The following ZNF133 variants were observed in gnomAD, a reference collection of about 807,000 sequenced individuals.
ZNF133 encodes zinc finger protein 133 (clone pHZ-13).
In ZNF133, 26 loss-of-function variants were observed where a neutral mutation model predicts 54.9. The ratio of observed to expected loss-of-function variants is 0.47; its 90% confidence interval spans 0.35 to 0.66. The LOEUF (loss-of-function observed/expected upper bound fraction) is 0.66, where lower values mean the gene tolerates loss of function less well. ZNF133 is among the 30% of genes least tolerant of loss of function. The pLI is 0.01. For synonymous variants in ZNF133, 298 were observed against 320.3 expected (o/e 0.93, Z 0.74); for missense variants, 653 against 820.8 (o/e 0.80, Z 2.50).
chr20:18,297,463 T>C (rs1469788392), intron 1 of ZNF133, among the ~76,000 whole-genome samples: 1 of 152,154 alleles, frequency 6.6e-6, no homozygotes, highest in African/African-American at 2.4e-5. Flanking sequence ...CCCAAAATGT[T>C]TGTTTGAAGA....
chr20:18,315,669 G>C lies in ZNF133; in HGVS notation c.818G>C (p.Arg273Thr), dbSNP rs6045322. 6.2e-7 allele frequency: 1 copy of C among 1,613,976 alleles called. No individual in the cohort carries two copies. The highest frequency in any genetic ancestry group is 1.1e-5 in the South Asian group (1 of 91,070). The change falls in exon 7 of 7, where the codon AGG becomes ACG. Residue 273 changes from arginine to threonine, a missense_variant. Arg to Thr is a moderately conservative substitution (Grantham distance 71). Around this residue, in one of 4 missense-constraint regions of ZNF133, gnomAD observed 292 missense variants for 431.6 expected, o/e 0.68. Coordinates refer to ENST00000425686, the MANE Select transcript of ZNF133 (RefSeq NM_001352452.2). The stretch of plus-strand genomic sequence containing the variant: ...TCGGGGGAGAAGCCAATTGTGTGCA[G>C]GGAGTGTGGACGAGGCTTTAACCGG... ...AHSGEKPIVCRECGRGFNRKS... is the reference protein window; with the variant it reads ...AHSGEKPIVCTECGRGFNRKS...
In ZNF133 at chr20:18,305,927, T is replaced by C; in HGVS notation, c.121+120T>C. 7.6e-7 allele frequency: 1 copy of C among 1,310,754 alleles called. No homozygotes were observed. Among genetic ancestry groups the C allele is most frequent in the Non-Finnish European group, 1.0e-6 (1 of 963,918 alleles). 81.2% of individuals were successfully genotyped at this position (1,310,754 alleles called of 1,614,324 possible). A position where few individuals can be genotyped will look rare whatever the true frequency, so the allele number is the denominator to read the frequency against. ...GTTGGACCAAAAAGCAACTACATTT[T>C]ATTCGTGTTTCCCCAGGGAGGGTCT... On this transcript the variant is annotated intron_variant, in intron 5 of 6. Transcript: ENST00000425686. This position sits in a 1 kb window ranked among gnomAD's most constrained non-coding sequence, Gnocchi z 4.7.
chr20:18,304,034 T>C (rs1056993191), intron 3 of ZNF133, among the ~76,000 whole-genome samples: 2 of 152,150 alleles, frequency 1.3e-5, no homozygotes, highest in African/African-American at 4.8e-5. Context: ...ATTTAGAATA[T>C]ATAAAGAACT....
intron 6 of ZNF133, among the ~76,000 whole-genome samples, chr20:18,311,863 C>T (rs17732567): frequency 0.082 from 12,427 of 152,174 alleles, 613 homozygotes; most frequent in Middle Eastern, 0.17. Context: ...TTATAAGATA[C>T]TAGTTGGACA....
intron 1 of ZNF133, among the ~76,000 whole-genome samples, chr20:18,295,871 C>A (rs2042138271): frequency 6.6e-6 from 1 of 152,010 alleles, no homozygotes; most frequent in Admixed American, 6.6e-5. Context: ...ACCATGTTGC[C>A]CAGGCTGGAT....
intron 3 of ZNF133, among the ~76,000 whole-genome samples, chr20:18,298,716 C>G (rs886243793): frequency 6.6e-6 from 1 of 152,204 alleles, no homozygotes; most frequent in African/African-American, 2.4e-5. Context: ...TGCAACCCCC[C>G]ACTGGCTAAA....
rs149645929 is a variant in ZNF133 at position 18,306,379 on chromosome 20, C to G, written c.203C>G (p.Pro68Arg). 42 of 1,613,304 alleles carry G rather than the reference C, an allele frequency of 2.6e-5. No individual in the cohort carries two copies. The highest frequency in any genetic ancestry group is 3.2e-5 in the Non-Finnish European group (38 of 1,179,654). The change falls in exon 6 of 7, where the codon CCG becomes CGG. Residue 68 changes from proline to arginine, a missense_variant. By Grantham distance (103) the Pro-to-Arg change is moderately radical. Transcript: ENST00000425686. ...TGGAGAGAGGAAAAAAAATGTTCAC[C>G]GGCAACCTGTCCAGGTGAGTGGGAA... ...ETWREEKKCS[P>R]ATCPADPEPE...
intron 1 of ZNF133, among the ~76,000 whole-genome samples, chr20:18,291,865 C>T (rs2041121021): frequency 1.3e-5 from 2 of 152,140 alleles, no homozygotes; most frequent in Non-Finnish European, 2.9e-5. Context: ...GTGTGTGCCA[C>T]CCCACTTGGA....
At chr20:18,293,926 G>A (rs1360175484) in intron 1 of ZNF133, among the ~76,000 whole-genome samples, 1 of 152,150 alleles carries the variant, frequency 6.6e-6, no homozygotes, top group East Asian at 1.9e-4. Context: ...AATGAAAGGG[G>A]GAAAAAGAAC....
rs149247327 is a variant in ZNF133, at chr20:18,301,288, G to A, written c.-178+2824G>A. Among the ~76,000 whole-genome samples the A allele has an allele frequency of 3.8e-4, 58 of 152,246 alleles. 1 individual carries two copies. In the East Asian group the frequency reaches 0.011, roughly 28 times the overall value. ...TGAGATGAAGTAAAGTGCTAGGCAG[G>A]AAATTTTTAGCTGAAATACATTAGA... On this transcript the variant is annotated intron_variant, in intron 3 of 6. Transcript: ENST00000425686.
At chr20:18,293,475 T>C (rs1400668429) in intron 1 of ZNF133, among the ~76,000 whole-genome samples, 1 of 152,232 alleles carries the variant, frequency 6.6e-6, no homozygotes, top group Non-Finnish European at 1.5e-5. Flanking sequence ...GAGTGAAAGC[T>C]GTCTGGCCTT....
intron 6 of ZNF133, chr20:18,310,325 CGGTT>C: frequency 6.5e-7 from 1 of 1,528,324 alleles, no homozygotes; most frequent in Non-Finnish European, 8.7e-7. Flanking sequence ...TACATCTTAA[CGGTT>C]TCATTATTCT....
intron 6 of ZNF133, chr20:18,310,286 AC>A: frequency 6.5e-7 from 1 of 1,533,690 alleles, no homozygotes; most frequent in Non-Finnish European, 8.7e-7. Flanking sequence ...TATATGTGTA[AC>A]GGGAGGAAGA....
intron 3 of ZNF133, among the ~76,000 whole-genome samples, chr20:18,301,405 A>G (rs1328763863): frequency 6.6e-6 from 1 of 152,182 alleles, no homozygotes; most frequent in Non-Finnish European, 1.5e-5. Context: ...GAAGGAAGGA[A>G]ATAATAAACA....
At chr20:18,311,828 C>T (rs1342708501) in intron 6 of ZNF133, among the ~76,000 whole-genome samples, 4 of 152,134 alleles carry the variant, frequency 2.6e-5, no homozygotes, top group African/African-American at 4.8e-5. Flanking sequence ...TGTAGATTCA[C>T]GTAATTTCTG....
At chr20:18,297,012 G>T (rs2042355189) in intron 1 of ZNF133, among the ~76,000 whole-genome samples, 1 of 152,098 alleles carries the variant, frequency 6.6e-6, no homozygotes, top group African/African-American at 2.4e-5. Context: ...TCTTAGAGTT[G>T]GTGGTTATGA....
intron 3 of ZNF133, among the ~76,000 whole-genome samples, chr20:18,303,941 T>C (rs555269326): frequency 2.9e-4 from 44 of 152,308 alleles, no homozygotes; most frequent in African/African-American, 1.0e-3. Flanking sequence ...AATAGTGAAC[T>C]TGGACTTCAT....
chr20:18,302,641 GC>G (rs2043645204), intron 3 of ZNF133, among the ~76,000 whole-genome samples: 1 of 152,180 alleles, frequency 6.6e-6, no homozygotes, highest in Non-Finnish European at 1.5e-5. Context: ...AGGCAGCAAT[GC>G]CCACTTTTGC....
chr20:18,312,669 A>C (rs555960650), intron 6 of ZNF133: 3 of 152,348 alleles, frequency 2.0e-5, no homozygotes, highest in South Asian at 4.1e-4. Context: ...GATTTCCTTC[A>C]GAAACTGGCA....
Sources: gnomAD v4.1 joint callset for allele counts (sites outside exome capture counted in the v4.1 genomes callset) on GRCh38, gnomAD v4.1.1 for gene constraint, gnomAD v4.1.1 regional missense constraint, Gnocchi (gnomAD v3.1) non-coding constraint, MANE v1.5 for transcripts, NCBI Gene and HGNC (gene_info 2026-07-23, HGNC 2026-07-21) for gene names.